Variants in FER1L6 observed in about 807,000 individuals in gnomAD.
FER1L6 encodes the protein fer-1-like protein 6.
In FER1L6, 177 loss-of-function variants were observed where a neutral mutation model predicts 219.2. The observed-to-expected ratio is 0.81, with a 90% CI of 0.71 to 0.91. FER1L6 has a LOEUF of 0.91. Among genes scored for constraint, FER1L6 ranks in the 40% least tolerant of loss-of-function variants. The pLI, the probability that FER1L6 is intolerant of heterozygous loss-of-function variation, is 0.00. For missense variants in FER1L6, 2,153 were observed against 2,259.9 expected (o/e 0.95, Z 0.96); for synonymous variants, 768 against 824.3 (o/e 0.93, Z 1.17).
rs117978908 is a variant in FER1L6 at position 123,913,644 on chromosome 8, T to C, written c.-7-42348T>C. Reference sequence around the variant, plus strand: ...AGCCATTGGTTTCCACATTGCACTATTGCATGATGAGTGGGGACTGTGGAG... The same window carrying C: ...AGCCATTGGTTTCCACATTGCACTACTGCATGATGAGTGGGGACTGTGGAG... On this transcript the variant is annotated intron_variant, in intron 1 of 40. Transcript: ENST00000522917. Among the ~76,000 whole-genome samples the C allele has an allele frequency of 2.9e-3, 442 of 152,264 alleles. 1 individual carries two copies. Among genetic ancestry groups the C allele is most frequent in the Middle Eastern group, 0.014 (4 of 294 alleles).
chr8:124,013,247 G>C (rs926432923), intron 14 of FER1L6, among the ~76,000 whole-genome samples, 184 bp from the exon 15 acceptor site: 1 of 151,938 alleles, frequency 6.6e-6, no homozygotes, highest in East Asian at 1.9e-4. Context: ...CTTACTAAAA[G>C]AAAAGTTCAA....
chr8:123,965,263 A>G (rs981238914), intron 3 of FER1L6, among the ~76,000 whole-genome samples: 1 of 152,242 alleles, frequency 6.6e-6, no homozygotes, highest in African/African-American at 2.4e-5. Context: ...GGACTCAATT[A>G]TAATCAGCAG....
chr8:123,915,226 A>G (rs1431083641), intron 1 of FER1L6, among the ~76,000 whole-genome samples: 1 of 152,066 alleles, frequency 6.6e-6, no homozygotes, highest in Non-Finnish European at 1.5e-5. Flanking sequence ...AATGATGTCC[A>G]TTGGCCTCAC....
At chr8:123,937,272 C>A (rs749697176) in intron 1 of FER1L6, among the ~76,000 whole-genome samples, 5 of 152,198 alleles carry the variant, frequency 3.3e-5, no homozygotes, top group Non-Finnish European at 7.3e-5. Flanking sequence ...CAGATGAAGT[C>A]AATTAACAAA....
intron 2 of FER1L6, among the ~76,000 whole-genome samples, chr8:123,960,384 C>A (rs1815217166): frequency 6.6e-6 from 1 of 152,150 alleles, no homozygotes; most frequent in Admixed American, 6.5e-5. Context: ...CAGCAACATT[C>A]CAGATGAATT....
chr8:123,857,291 C>T (rs1288388290), intron 1 of FER1L6, among the ~76,000 whole-genome samples: 1 of 152,186 alleles, frequency 6.6e-6, no homozygotes, highest in Non-Finnish European at 1.5e-5. Flanking sequence ...AGGAGGATCA[C>T]TTGAGGCCAG....
chr8:124,114,549 G>A (rs1823153131), intron 39 of FER1L6, among the ~76,000 whole-genome samples: 1 of 151,900 alleles, frequency 6.6e-6, no homozygotes, highest in African/African-American at 2.4e-5. Context: ...CAGGTCTAGG[G>A]CAGATAAAAT....
chr8:123,931,195 G>T (rs1358726425), intron 1 of FER1L6, among the ~76,000 whole-genome samples: 1 of 152,202 alleles, frequency 6.6e-6, no homozygotes, highest in Non-Finnish European at 1.5e-5. Context: ...ATGGGAAGTT[G>T]TAAATCTGCC....
At chr8:123,974,017 C>A (rs1398624843) in intron 7 of FER1L6, among the ~76,000 whole-genome samples, 1 of 152,186 alleles carries the variant, frequency 6.6e-6, no homozygotes, top group Non-Finnish European at 1.5e-5. Context: ...CATTTTGTAT[C>A]CTTATACAAA....
At chr8:124,006,925 C>T (rs1342115660) in intron 13 of FER1L6, among the ~76,000 whole-genome samples, 1 of 152,212 alleles carries the variant, frequency 6.6e-6, no homozygotes, top group Non-Finnish European at 1.5e-5. Context: ...TGATCCAAAC[C>T]AAAGAAACCT....
At chr8:123,978,892 C>T (rs1489237676) in intron 10 of FER1L6, among the ~76,000 whole-genome samples, 1 of 152,152 alleles carries the variant, frequency 6.6e-6, no homozygotes, top group East Asian at 1.9e-4. Flanking sequence ...GCAGAAAGCA[C>T]CCTCGGCCCA....
intron 1 of FER1L6, among the ~76,000 whole-genome samples, chr8:123,947,163 G>A (rs1157647580): frequency 1.3e-5 from 2 of 151,894 alleles, no homozygotes; most frequent in African/African-American, 2.4e-5. Context: ...GCACGTGCCT[G>A]TAGTCCTAGC....
At position 124,061,986 on chromosome 8, in the gene FER1L6, G is replaced by A; in HGVS notation, c.3282G>A (p.Glu1094=). 1.2e-6 allele frequency: 2 copies of A among 1,614,180 alleles called. No individual in the cohort carries two copies. The highest frequency in any genetic ancestry group is 1.7e-6 in the Non-Finnish European group (2 of 1,180,014). The change falls in exon 25 of 41, where the codon GAG becomes GAA. Residue 1094 remains glutamate, a synonymous_variant. Coordinates refer to ENST00000522917, the MANE Select transcript of FER1L6 (RefSeq NM_001039112.2). ...YLKQFLCKLR[E]PLAPITQVDG... is the part of the protein sequence containing the mutation. ...AGCAGTTTTTGTGTAAACTCAGAGA[G>A]CCCCTTGCCCCCATCACACAGGTGG...
intron 1 of FER1L6, among the ~76,000 whole-genome samples, chr8:123,888,413 G>A (rs1434337765): frequency 1.3e-5 from 2 of 152,058 alleles, no homozygotes; most frequent in Admixed American, 6.6e-5. Flanking sequence ...CACCATGCCC[G>A]GCCTGATATT....
At chr8:124,049,578 A>T in intron 21 of FER1L6, 29 bp from the exon 22 acceptor site, 4 of 1,612,584 alleles carry the variant, frequency 2.5e-6, no homozygotes, top group Non-Finnish European at 3.4e-6. Flanking sequence ...ATGATCAGGA[A>T]ATACAAACTC....
At position 123,890,804 on chromosome 8, in the gene FER1L6, T is replaced by C. The variant is rs1008261772; in HGVS notation, c.-8+38619T>C. On this transcript the variant is annotated intron_variant, in intron 1 of 40. Transcript: ENST00000522917. Reference sequence around the variant, plus strand: ...AGTATCAATTATTAAGACTTATTTTTACAAGTTTTGAGCAGAAATATTATA... The same window carrying C: ...AGTATCAATTATTAAGACTTATTTTCACAAGTTTTGAGCAGAAATATTATA... Among the ~76,000 whole-genome samples, 4 of 151,830 alleles carry C rather than the reference T, an allele frequency of 2.6e-5. No individual in the cohort carries two copies. The East Asian group carries it at 7.7e-4, about 29-fold the overall frequency.
chr8:124,003,012 G>T (rs1029909794), intron 12 of FER1L6, among the ~76,000 whole-genome samples, 155 bp from the exon 13 acceptor site: 6 of 150,046 alleles, frequency 4.0e-5, no homozygotes, highest in Admixed American at 1.3e-4. Context: ...CATCATCATT[G>T]TCAGTCTTGT....
At chr8:124,027,206 G>A (rs1286130392) in intron 18 of FER1L6, among the ~76,000 whole-genome samples, 1 of 152,118 alleles carries the variant, frequency 6.6e-6, no homozygotes, top group Non-Finnish European at 1.5e-5. Context: ...TTGGGTGTTG[G>A]GGATTAGAAC....
intron 13 of FER1L6, among the ~76,000 whole-genome samples, chr8:124,005,348 A>T (rs1451644737): frequency 6.6e-6 from 1 of 152,000 alleles, no homozygotes; most frequent in African/African-American, 2.4e-5. Flanking sequence ...ATTTCTGGCC[A>T]CTCCACAAAT....
Sources: gnomAD v4.1 joint callset for allele counts (sites outside exome capture counted in the v4.1 genomes callset) on GRCh38, gnomAD v4.1.1 for gene constraint, MANE v1.5 for transcripts, NCBI Gene and HGNC (gene_info 2026-07-23, HGNC 2026-07-21) for gene names.